ABCB10: variants seen among roughly 807,000 people sequenced by gnomAD.
The protein encoded by ABCB10 is ATP-binding cassette sub-family B member 10, mitochondrial.
ABCB10 carries 54 observed loss-of-function variants against 65.4 expected under a neutral mutation model. The ratio of observed to expected loss-of-function variants is 0.83; its 90% CI spans 0.66 to 1.04. ABCB10 has a LOEUF of 1.04. Among genes scored for constraint, ABCB10 ranks in the 50% least tolerant of loss-of-function variants. ABCB10 has a pLI of 0.00. For missense variants in ABCB10, 846 were observed against 976.6 expected, an observed-to-expected ratio of 0.87 and a Z score of 1.78; for synonymous variants, 418 against 406.5, an observed-to-expected ratio of 1.03 and a Z score of -0.34.
intron 10 of ABCB10, among the ~76,000 whole-genome samples, chr1:229,524,212 G>A (rs1571957059): frequency 6.6e-6 from 1 of 151,680 alleles, no homozygotes; most frequent in Non-Finnish European, 1.5e-5. Flanking sequence ...TAAGGGTGGA[G>A]TGCAGTGGTG....
chr1:229,531,814 G>T (rs1662591962), intron 6 of ABCB10, 83 bp from the exon 7 acceptor site: 2 of 1,057,976 alleles, frequency 1.9e-6, no homozygotes, highest in Non-Finnish European at 2.8e-6. Context: ...GAGTGACAAT[G>T]ATTGCTTTTA....
At position 229,546,618 on chromosome 1, in the gene ABCB10, C is replaced by G. The variant is rs573225713; in HGVS notation, c.921+881G>C. 3.0e-3 allele frequency among the ~76,000 whole-genome samples: 459 copies of G among 152,176 alleles called. 2 individuals carry two copies. The highest frequency in any genetic ancestry group is 0.011 in the African/African-American group (448 of 41,522). ...AGGTACAGTGGCTCAAGCCTGTAAT[C>G]CCAGCACTTCAGGAGGCCGAGGCAG... On this transcript the variant is annotated intron_variant, in intron 3 of 12. Transcript: ENST00000344517.
intron 10 of ABCB10, 62 bp downstream of exon 10, chr1:229,525,874 A>G (rs1449792269): frequency 6.5e-7 from 1 of 1,528,210 alleles, no homozygotes; most frequent in African/African-American, 1.4e-5. Flanking sequence ...AAAAAAAACA[A>G]GAAACATGTG....
chr1:229,522,068 A>G (rs1422687436), intron 10 of ABCB10, among the ~76,000 whole-genome samples: 1 of 152,076 alleles, frequency 6.6e-6, no homozygotes, highest in Non-Finnish European at 1.5e-5. Flanking sequence ...CATGTTGCCC[A>G]GGCTGGTCTC....
chr1:229,539,329 A>T, intron 6 of ABCB10, 127 bp downstream of exon 6: 1 of 1,389,926 alleles, frequency 7.2e-7, no homozygotes, highest in Non-Finnish European at 1.0e-6. Flanking sequence ...CAGTTGGAAT[A>T]ATAACATTCT....
chr1:229,536,014 C>T (rs536224709), intron 6 of ABCB10, among the ~76,000 whole-genome samples: 1 of 152,238 alleles, frequency 6.6e-6, no homozygotes, highest in South Asian at 2.1e-4. Flanking sequence ...GAGTGAGCCA[C>T]TGCGCCCAGC....
intron 1 of ABCB10, among the ~76,000 whole-genome samples, chr1:229,553,359 C>T (rs1571980410): frequency 6.6e-6 from 1 of 152,114 alleles, no homozygotes; most frequent in African/African-American, 2.4e-5. Context: ...ATCCGCCCGC[C>T]TCAGCCTCCC....
intron 10 of ABCB10, among the ~76,000 whole-genome samples, chr1:229,524,021 A>C (rs986031529): frequency 4.0e-5 from 6 of 151,840 alleles, no homozygotes; most frequent in Non-Finnish European, 8.8e-5. Flanking sequence ...TAAGCTTAAA[A>C]CCCTTTTGTT....
chr1:229,529,907 A>G (rs1171802893), intron 8 of ABCB10, among the ~76,000 whole-genome samples: 1 of 152,114 alleles, frequency 6.6e-6, no homozygotes, highest in Non-Finnish European at 1.5e-5. Flanking sequence ...AGTAGAGGGC[A>G]TGTCCAGAGG....
Position 229,549,241 on chromosome 1 carries a change from T to C in ABCB10, c.711A>G (p.Gln237=). 1 of 1,613,886 alleles carries C rather than the reference T, an allele frequency of 6.2e-7. No homozygotes were observed. Among genetic ancestry groups the C allele is most frequent in the South Asian group, 1.1e-5 (1 of 91,060 alleles). The change falls in exon 2 of 13, where the codon CAA becomes CAG. Residue 237 remains glutamine (Q), a synonymous_variant. Transcript: ENST00000344517. ...AANAIRVYLM[Q]TSGQRIVNRL... ...GAGAGGAGAGACTGTTACCTGAAGT[T>C]TGCATGAGGTAGACACGAATGGCAT...
chr1:229,558,188 CG>C lies in ABCB10; in HGVS notation c.464del (p.Pro155ArgfsTer57), dbSNP rs1249682344. 7.0e-7 allele frequency: 1 copy of C among 1,429,604 alleles called. No individual in the cohort carries two copies. The highest frequency in any genetic ancestry group is 9.1e-7 in the Non-Finnish European group (1 of 1,094,376). 88.6% of individuals were successfully genotyped at this position (1,429,604 alleles called of 1,614,324 possible). ...CCAGCCCCAGGAGCTTCCGGGCCTC[CG>C]GGAGTCCGGCCGCTGCGGGGCGCAG... The part of the protein sequence containing the change: ...GRLRPAAAGL[P>X]EARKLLGLAY... On this transcript the variant is annotated frameshift_variant, in exon 1 of 13. Transcript: ENST00000344517. LOFTEE classifies it high-confidence loss of function.
chr1:229,525,883 TGAAAAG>T, intron 10 of ABCB10, 47 bp downstream of exon 10: 1 of 1,538,170 alleles, frequency 6.5e-7, no homozygotes, highest in Non-Finnish European at 8.8e-7. Context: ...AAGAAACATG[TGAAAAG>T]TTCTTTGGAT....
intron 6 of ABCB10, chr1:229,535,014 T>C (rs1297401643): frequency 8.9e-6 from 1 of 112,322 alleles, no homozygotes; most frequent in Admixed American, 1.4e-4. Context: ...CACTCCAGCC[T>C]GGGCAACAGA....
At chr1:229,550,548 A>T (rs914965795) in intron 1 of ABCB10, among the ~76,000 whole-genome samples, 2 of 147,116 alleles carry the variant, frequency 1.4e-5, no homozygotes, top group African/African-American at 2.6e-5. Context: ...AAAAAAAAAA[A>T]TTTTAGAAAA....
chr1:229,540,156 C>G (rs1030695655), intron 5 of ABCB10, among the ~76,000 whole-genome samples: 2 of 152,208 alleles, frequency 1.3e-5, no homozygotes, highest in African/African-American at 4.8e-5. Flanking sequence ...ATTTCAGTGT[C>G]CTATTTGAGT....
At chr1:229,525,038 A>G (rs1662404603) in intron 10 of ABCB10, among the ~76,000 whole-genome samples, 2 of 152,054 alleles carry the variant, frequency 1.3e-5, no homozygotes, top group Admixed American at 6.6e-5. Flanking sequence ...TATCTTTAGT[A>G]GAGACAGGGT....
At chr1:229,535,729 C>CTTT (rs34439249) in intron 6 of ABCB10, among the ~76,000 whole-genome samples, 1 of 142,756 alleles carries the variant, frequency 7.0e-6, no homozygotes, top group Admixed American at 7.0e-5. Flanking sequence ...AATGTAGGCT[C>CTTT]TTTTTTTTTT....
intron 7 of ABCB10, 122 bp from the exon 8 acceptor site, chr1:229,530,530 G>T: frequency 9.6e-7 from 1 of 1,039,798 alleles, no homozygotes. Flanking sequence ...CCTGGTATAT[G>T]AGCTCTTAAA....
intron 6 of ABCB10, 26 bp downstream of exon 6, chr1:229,539,430 A>T (rs1571969672): frequency 6.2e-7 from 1 of 1,606,050 alleles, no homozygotes; most frequent in African/African-American, 1.3e-5. Flanking sequence ...AATTTGTAAC[A>T]CCCCAAGCCT....
Sources: allele counts gnomAD v4.1 joint callset (sites outside exome capture counted in the v4.1 genomes callset), GRCh38; gene constraint gnomAD v4.1.1; transcripts MANE v1.5; gene names NCBI Gene and HGNC (gene_info 2026-07-23, HGNC 2026-07-21).